The following POU3F3 variants were observed in gnomAD, a reference collection of about 807,000 sequenced individuals.
POU3F3 encodes POU class 3 homeobox 3, also known as POU domain, class 3, transcription factor 3.
A neutral mutation model predicts 8.6 loss-of-function variants in POU3F3; 1 was observed. The ratio of observed to expected loss-of-function variants is 0.12; its 90% CI spans 0.04 to 0.55. The LOEUF (loss-of-function observed/expected upper bound fraction) is 0.55, where lower values mean the gene tolerates loss of function less well. Ranked by LOEUF, POU3F3 falls within the 20% of genes least tolerant of loss-of-function variation. The probability of loss-of-function intolerance (pLI) is 0.91; values close to 1 mark genes in which losing one functional copy is unlikely to be tolerated. For synonymous variants in POU3F3, 418 were observed against 327.4 expected (o/e 1.28, Z -2.99); for missense variants, 577 against 690.7 (o/e 0.84, Z 1.84).
chr2:104,859,587 A>T (rs1676632131), downstream of POU3F3, among the ~76,000 whole-genome samples: 1 of 152,178 alleles, frequency 6.6e-6, no homozygotes, highest in Non-Finnish European at 1.5e-5. Flanking sequence ...TGCAGGGGTT[A>T]AAAAACCCGG....
chr2:104,892,856 G>A, the POU3F3 span, among the ~76,000 whole-genome samples: 1 of 151,988 alleles, frequency 6.6e-6, no homozygotes, highest in African/African-American at 2.4e-5. Context: ...AGCCACTGGG[G>A]CTGGCCGATT....
chr2:104,914,755 A>G, the POU3F3 span, among the ~76,000 whole-genome samples: 3 of 152,244 alleles, frequency 2.0e-5, no homozygotes, highest in East Asian at 5.8e-4. Context: ...ATGTAGAGAG[A>G]AAAGGGAAAG....
chr2:104,869,227 T>G, the POU3F3 span, among the ~76,000 whole-genome samples: 1 of 152,224 alleles, frequency 6.6e-6, no homozygotes, highest in Admixed American at 6.5e-5. Flanking sequence ...ATATTTCTTT[T>G]AAAGAAACAA....
chr2:104,922,392 CAAAAAAAAA>C, the POU3F3 span, among the ~76,000 whole-genome samples: 3 of 71,042 alleles, frequency 4.2e-5, no homozygotes, highest in Non-Finnish European at 8.3e-5. Flanking sequence ...TGAAGATGCT[CAAAAAAAAA>C]AAAAAAAAAA....
chr2:104,909,792 GA>G, the POU3F3 span, among the ~76,000 whole-genome samples: 1 of 152,200 alleles, frequency 6.6e-6, no homozygotes, highest in Non-Finnish European at 1.5e-5. Context: ...ATCAATTGTG[GA>G]TTCTAATTCA....
the POU3F3 span, chr2:104,868,104 G>T: frequency 2.7e-6 from 1 of 366,404 alleles, no homozygotes. Flanking sequence ...GAACAATTAG[G>T]AAAAAGTAAG....
At chr2:104,900,704 C>T in the POU3F3 span, among the ~76,000 whole-genome samples, 7 of 152,164 alleles carry the variant, frequency 4.6e-5, no homozygotes, top group East Asian at 1.9e-4. Context: ...GTCCCTTATT[C>T]GGCTATTTAC....
chr2:104,872,328 A>G, the POU3F3 span: 5 of 456,506 alleles, frequency 1.1e-5, no homozygotes, highest in African/African-American at 8.0e-5. The surrounding 1 kb of genome is among the most constrained non-coding windows in gnomAD (Gnocchi z 4.6). Context: ...TATCAACATC[A>G]TCAAAGACCA....
chr2:104,891,540 C>T, the POU3F3 span, among the ~76,000 whole-genome samples: 60 of 152,186 alleles, frequency 3.9e-4, no homozygotes, highest in South Asian at 0.01. Context: ...ACAAATCAAT[C>T]GGAAGAGTAA....
the POU3F3 span, among the ~76,000 whole-genome samples, chr2:104,900,742 T>C: frequency 2.0e-5 from 3 of 152,336 alleles, no homozygotes; most frequent in Non-Finnish European, 4.4e-5. Context: ...GTATTTTCCT[T>C]GACTCACCAG....
the POU3F3 span, among the ~76,000 whole-genome samples, chr2:104,868,580 T>G: frequency 6.6e-6 from 1 of 152,090 alleles, no homozygotes; most frequent in African/African-American, 2.4e-5. Context: ...GTCCAAGCCC[T>G]CAGGCCAGAC....
At chr2:104,862,269 T>C (rs1676668731), downstream of POU3F3, among the ~76,000 whole-genome samples, 1 of 152,156 alleles carries the variant, frequency 6.6e-6, no homozygotes, top group Non-Finnish European at 1.5e-5. Flanking sequence ...GAGTTGGCTC[T>C]GGAAGTGACC....
At chr2:104,912,306 C>T in the POU3F3 span, among the ~76,000 whole-genome samples, 1 of 152,188 alleles carries the variant, frequency 6.6e-6, no homozygotes, top group Non-Finnish European at 1.5e-5. Flanking sequence ...AAGCCTCCAT[C>T]GTAGCTGAGA....
In POU3F3 at chr2:104,856,617, C is replaced by T. The variant is rs778904576; in HGVS notation, c.1107C>T (p.Ser369=). ...GCCGCTTCGAGGCCCTGCAGCTGAG[C>T]TTCAAGAACATGTGCAAGCTCAAGC... ...TICRFEALQL[S]FKNMCKLKPL... is the part of the protein sequence containing the mutation. The change falls in exon 1 of 1, where the codon AGC becomes AGT. Residue 369 remains serine (S), a synonymous_variant. Coordinates refer to ENST00000361360, the MANE Select transcript of POU3F3 (RefSeq NM_006236.3). The T allele has an allele frequency of 4.3e-6, 7 of 1,614,194 alleles. No homozygotes were observed. Among genetic ancestry groups the T allele is most frequent in the Admixed American group, 3.3e-5 (2 of 60,036 alleles).
the POU3F3 span, among the ~76,000 whole-genome samples, chr2:104,904,816 C>G: frequency 6.6e-6 from 1 of 152,044 alleles, no homozygotes; most frequent in Non-Finnish European, 1.5e-5. Context: ...GCTGTGGTAC[C>G]TGGGGTGCAA....
In POU3F3 at chr2:104,854,308, C is replaced by T. The variant is rs1573318195; in HGVS notation, c.-1203C>T. On this transcript the variant is annotated 5_prime_UTR_variant, in exon 1 of 1. Coordinates refer to ENST00000361360, the MANE Select transcript of POU3F3 (RefSeq NM_006236.3). This position sits in a 1 kb window ranked among gnomAD's most constrained non-coding sequence, Gnocchi z 4.5. ...CCAGCACGGCCAGCGCCAGCGCCCGCCGTCGGTGCACTCTACGAGCCGTGC... is the reference window on the plus strand; with the variant it reads ...CCAGCACGGCCAGCGCCAGCGCCCGTCGTCGGTGCACTCTACGAGCCGTGC... Among the ~76,000 whole-genome samples the T allele has an allele frequency of 1.3e-5, 2 of 152,200 alleles. No individual in the cohort carries two copies. The highest frequency in any genetic ancestry group is 4.8e-5 in the African/African-American group (2 of 41,456).
the POU3F3 span, among the ~76,000 whole-genome samples, chr2:104,921,745 C>T: frequency 6.6e-6 from 1 of 152,184 alleles, no homozygotes; most frequent in East Asian, 1.9e-4. Context: ...TGCCTGTAAT[C>T]CCAGCACTCT....
At chr2:104,917,669 C>T in the POU3F3 span, among the ~76,000 whole-genome samples, 4 of 152,184 alleles carry the variant, frequency 2.6e-5, no homozygotes, top group African/African-American at 7.2e-5. Context: ...CTTCATGAAA[C>T]TATCCACTTG....
At chr2:104,867,390 A>G in the POU3F3 span, 1 of 152,254 alleles carries the variant, frequency 6.6e-6, no homozygotes, top group African/African-American at 2.4e-5. This position sits in a 1 kb window ranked among gnomAD's most constrained non-coding sequence, Gnocchi z 5.0. Flanking sequence ...AAGCTATAAC[A>G]AAGGCTCCCT....
Sources: allele counts gnomAD v4.1 joint callset (sites outside exome capture counted in the v4.1 genomes callset), GRCh38; gene constraint gnomAD v4.1.1; non-coding constraint Gnocchi (gnomAD v3.1); transcripts MANE v1.5; gene names NCBI Gene and HGNC (gene_info 2026-07-23, HGNC 2026-07-21).